Variants in ZNF469 observed in about 807,000 individuals in gnomAD.
ZNF469 encodes the protein zinc finger protein 469.
Under a neutral mutation model 1.0 loss-of-function variants are expected in ZNF469, and 1 was observed. That is an observed-to-expected ratio of 1.00 (90% CI 0.35 to 4.73). The LOEUF (loss-of-function observed/expected upper bound fraction) is 4.73. Among genes scored for constraint, ZNF469 ranks in the 30% most tolerant of loss-of-function variants. The pLI, the probability that ZNF469 is intolerant of heterozygous loss-of-function variation, is 0.16. For synonymous variants in ZNF469, 2,703 were observed against 2,363.4 expected (o/e 1.14, Z -4.17); for missense variants, 6,100 against 5,356.3 (o/e 1.14, Z -4.33).
At chr16:88,231,782 G>A in the ZNF469 span, among the ~76,000 whole-genome samples, 11 of 152,186 alleles carry the variant, frequency 7.2e-5, no homozygotes, top group Non-Finnish European at 1.5e-4. This position sits in a 1 kb window ranked among gnomAD's most constrained non-coding sequence, Gnocchi z 4.5. Flanking sequence ...CCCATCTCAA[G>A]AGCCTTCACT....
At chr16:88,118,613 G>C in the ZNF469 span, among the ~76,000 whole-genome samples, 7 of 152,314 alleles carry the variant, frequency 4.6e-5, no homozygotes, top group South Asian at 8.3e-4. Flanking sequence ...TCATCTTCCT[G>C]TTTTCTTCCC....
chr16:88,242,667 C>G, the ZNF469 span, among the ~76,000 whole-genome samples: 5 of 152,388 alleles, frequency 3.3e-5, no homozygotes, highest in Non-Finnish European at 7.3e-5. Flanking sequence ...ACCACCGCCC[C>G]CTTTCCCAGG....
chr16:88,329,496 G>C, the ZNF469 span, among the ~76,000 whole-genome samples: 5 of 152,214 alleles, frequency 3.3e-5, no homozygotes, highest in Admixed American at 6.5e-5. Flanking sequence ...CTGAGGGCCT[G>C]AGTCAGAAGG....
the ZNF469 span, among the ~76,000 whole-genome samples, chr16:88,336,493 A>C: frequency 7.8e-6 from 1 of 127,754 alleles, no homozygotes. Flanking sequence ...CATCCTTCAC[A>C]TGAGACACAT....
At chr16:88,291,932 G>A in the ZNF469 span, among the ~76,000 whole-genome samples, 3 of 152,156 alleles carry the variant, frequency 2.0e-5, no homozygotes, top group African/African-American at 7.2e-5. Flanking sequence ...AGGGCCTCTG[G>A]GGCTCAGCCT....
chr16:88,159,539 G>A, the ZNF469 span, among the ~76,000 whole-genome samples: 1 of 152,134 alleles, frequency 6.6e-6, no homozygotes, highest in South Asian at 2.1e-4. Context: ...AGTGTGGAGC[G>A]CAGCGTACGG....
the ZNF469 span, among the ~76,000 whole-genome samples, chr16:88,254,321 T>A: frequency 6.6e-6 from 1 of 152,212 alleles, no homozygotes; most frequent in African/African-American, 2.4e-5. Context: ...GTTGTATATA[T>A]GGGGTCTATG....
chr16:88,431,131 T>A lies in ZNF469; in HGVS notation c.3661T>A (p.Phe1221Ile), dbSNP rs1906146648. 2 of 1,549,046 alleles carry A rather than the reference T, an allele frequency of 1.3e-6. No individual in the cohort carries two copies. Among genetic ancestry groups the A allele is most frequent in the Non-Finnish European group, 1.7e-6 (2 of 1,146,778 alleles). ...AGAGGAAACCCGCCCGTCGCTGGACTTTCCCCAGGAGGCCAAGGAGCCTGA... is the reference window on the plus strand; with the variant it reads ...AGAGGAAACCCGCCCGTCGCTGGACATTCCCCAGGAGGCCAAGGAGCCTGA... ...TSEETRPSLD[F>I]PQEAKEPETA... The change falls in exon 3 of 3, where the codon TTT becomes ATT. Residue 1221 changes from phenylalanine to isoleucine, a missense_variant. Phe to Ile is a conservative substitution (Grantham distance 21). Transcript: ENST00000565624.
chr16:88,365,973 A>C, the ZNF469 span, among the ~76,000 whole-genome samples: 1 of 152,218 alleles, frequency 6.6e-6, no homozygotes, highest in African/African-American at 2.4e-5. Flanking sequence ...AATCTGCAAC[A>C]TTCTGGTGTT....
At chr16:88,222,758 G>GA in the ZNF469 span, among the ~76,000 whole-genome samples, 70,014 of 146,894 alleles carry the variant, frequency 0.48, 16,920 homozygotes, top group Middle Eastern at 0.56. Context: ...ACTCCATCCC[G>GA]AAAAAAAAAA....
chr16:88,353,205 C>T, the ZNF469 span, among the ~76,000 whole-genome samples: 10 of 152,288 alleles, frequency 6.6e-5, no homozygotes, highest in Admixed American at 1.3e-4. Flanking sequence ...GCAGAGAGAG[C>T]GCTCCCAGGT....
At chr16:88,150,258 C>G in the ZNF469 span, among the ~76,000 whole-genome samples, 1 of 151,994 alleles carries the variant, frequency 6.6e-6, no homozygotes, top group South Asian at 2.1e-4. Context: ...TGCAGTGAAC[C>G]GAGATCACAC....
the ZNF469 span, among the ~76,000 whole-genome samples, chr16:88,291,998 T>C: frequency 6.6e-6 from 1 of 152,214 alleles, no homozygotes; most frequent in Non-Finnish European, 1.5e-5. Flanking sequence ...GAGGCACATA[T>C]TCTGTGGTAG....
At chr16:88,180,789 A>C in the ZNF469 span, among the ~76,000 whole-genome samples, 3 of 150,674 alleles carry the variant, frequency 2.0e-5, no homozygotes, top group Non-Finnish European at 2.9e-5. Flanking sequence ...AAACAAACAA[A>C]CAAACAAATA....
the ZNF469 span, among the ~76,000 whole-genome samples, chr16:88,110,959 T>C: frequency 6.6e-6 from 1 of 152,238 alleles, no homozygotes. Flanking sequence ...ACAGTGTCCG[T>C]GGCAGGGAAG....
upstream of ZNF469, among the ~76,000 whole-genome samples, chr16:88,380,428 T>G (rs1343254484): frequency 1.3e-5 from 1 of 74,558 alleles, no homozygotes; most frequent in East Asian, 4.2e-4. Flanking sequence ...CACAGATGCA[T>G]TCACACATAC....
At chr16:88,306,295 C>T in the ZNF469 span, among the ~76,000 whole-genome samples, 1 of 152,288 alleles carries the variant, frequency 6.6e-6, no homozygotes, top group Non-Finnish European at 1.5e-5. Flanking sequence ...CTGTCCGCAT[C>T]TCCTTGTCAG....
the ZNF469 span, among the ~76,000 whole-genome samples, chr16:88,295,014 C>T: frequency 6.7e-6 from 1 of 149,066 alleles, no homozygotes; most frequent in Non-Finnish European, 1.5e-5. Context: ...TGGCAGGGCT[C>T]AGGGTCTGGG....
At chr16:88,224,644 A>G in the ZNF469 span, among the ~76,000 whole-genome samples, 4 of 152,148 alleles carry the variant, frequency 2.6e-5, 1 homozygote, top group South Asian at 6.2e-4. Flanking sequence ...CTGCACCTCA[A>G]TCCAGGCTCG....
Sources: allele counts gnomAD v4.1 joint callset (sites outside exome capture counted in the v4.1 genomes callset), GRCh38; gene constraint gnomAD v4.1.1; non-coding constraint Gnocchi (gnomAD v3.1); transcripts MANE v1.5; gene names NCBI Gene and HGNC (gene_info 2026-07-23, HGNC 2026-07-21).